The following GLRA2 variants were observed in gnomAD, a reference collection of about 807,000 sequenced individuals.
GLRA2 encodes the protein glycine receptor subunit alpha-2.
Under a neutral mutation model 31.6 loss-of-function variants are expected in GLRA2, and 11 were observed. The observed-to-expected ratio is 0.35, with a 90% CI of 0.22 to 0.58. GLRA2 has a LOEUF of 0.58. Among genes scored for constraint, GLRA2 ranks in the 20% least tolerant of loss-of-function variants. GLRA2 has a pLI of 0.84. For synonymous variants in GLRA2, 132 were observed against 134.0 expected (o/e 0.99, Z 0.10); for missense variants, 212 against 351.8 (o/e 0.60, Z 3.18).
chrX:14,730,201 C>T lies in GLRA2; in HGVS notation c.1081-6C>T, dbSNP rs745909115. 7 of 1,187,742 alleles carry T rather than the reference C, an allele frequency of 5.9e-6. No individual in the cohort carries two copies. Among genetic ancestry groups the T allele is most frequent in the East Asian group, 3.0e-5 (1 of 33,653 alleles). ...ATCTGTGCTTCCTCTGTCTTTATTC[C>T]GTCAGGAAGAAGACGTTACTCGTGA... On this transcript the variant is annotated splice_polypyrimidine_tract_variant and splice_region_variant and intron_variant, in intron 8 of 8. Transcript: ENST00000218075.
chrX:14,551,340 C>T (rs1294465102), intron 2 of GLRA2, among the ~76,000 whole-genome samples: 3 of 112,080 alleles, frequency 2.7e-5, no homozygotes, highest in Non-Finnish European at 3.8e-5. Context: ...TTTAACTTTA[C>T]ATCCTCAGAT....
At chrX:14,624,760 T>C (rs7877081) in intron 7 of GLRA2, among the ~76,000 whole-genome samples, 3,160 of 111,665 alleles carry the variant, frequency 0.028, 72 homozygotes, top group African/African-American at 0.078. Flanking sequence ...TGAGGAGTGC[T>C]TACTTCCAAC....
chrX:14,691,832 T>A lies in GLRA2; in HGVS notation c.1080+973T>A, dbSNP rs2239432. 4.5e-5 allele frequency among the ~76,000 whole-genome samples: 5 copies of A among 112,180 alleles called. No individual in the cohort carries two copies. In the East Asian group the frequency reaches 1.4e-3, roughly 31 times the overall value. ...AAGAATGTTACCTCCTGTAACAATA[T>A]TGCTTGAGAACTAAAGTTAACATTT... On this transcript the variant is annotated intron_variant, in intron 8 of 8. Transcript: ENST00000218075.
chrX:14,557,102 CTTTTTTTTTTTTTTT>C (rs58282642), intron 2 of GLRA2, among the ~76,000 whole-genome samples: 11 of 46,339 alleles, frequency 2.4e-4, no homozygotes, highest in African/African-American at 4.8e-4. Context: ...TAAAGTATTT[CTTTTTTTTTTTTTTT>C]TTTTTTTTTT....
chrX:14,597,534 C>T (rs2090219727), intron 4 of GLRA2, among the ~76,000 whole-genome samples: 2 of 111,046 alleles, frequency 1.8e-5, no homozygotes, highest in African/African-American at 3.3e-5. Context: ...GTCTATCACC[C>T]AGGTTTCTGG....
the GLRA2 span, among the ~76,000 whole-genome samples, chrX:14,477,277 GTTTA>G: frequency 9.0e-6 from 1 of 111,672 alleles, no homozygotes; most frequent in Admixed American, 9.5e-5. Flanking sequence ...AAAGAAAAAA[GTTTA>G]TTTAACCTTT....
the GLRA2 span, among the ~76,000 whole-genome samples, chrX:14,489,296 C>T: frequency 9.0e-6 from 1 of 110,939 alleles, no homozygotes; most frequent in Non-Finnish European, 1.9e-5. Context: ...ATAAAGGGGT[C>T]CTCAAACTCA....
chrX:14,697,961 C>T (rs1247983490), intron 8 of GLRA2, among the ~76,000 whole-genome samples: 1 of 111,249 alleles, frequency 9.0e-6, no homozygotes, highest in Non-Finnish European at 1.9e-5. Flanking sequence ...TCTGTCAGTG[C>T]CACTTGCCAC....
intron 2 of GLRA2, among the ~76,000 whole-genome samples, chrX:14,562,832 G>A (rs1398529002): frequency 9.0e-6 from 1 of 111,309 alleles, no homozygotes; most frequent in Non-Finnish European, 1.9e-5. Flanking sequence ...TCCAAATATG[G>A]TTACATTTTG....
intron 2 of GLRA2, among the ~76,000 whole-genome samples, chrX:14,539,686 A>G (rs1054890568): frequency 2.7e-5 from 3 of 111,885 alleles, no homozygotes; most frequent in Non-Finnish European, 5.7e-5. Context: ...GTGGCTCTGT[A>G]TACTCATCCA....
At chrX:14,472,943 A>G in the GLRA2 span, among the ~76,000 whole-genome samples, 1 of 111,431 alleles carries the variant, frequency 9.0e-6, no homozygotes. Context: ...GCTGAAGTGA[A>G]GTGAACTGGG....
Position 14,728,380 on chromosome X carries a change from G to A in GLRA2, c.1081-1827G>A, listed in dbSNP as rs570759778. Among the ~76,000 whole-genome samples the A allele has an allele frequency of 4.9e-4, 55 of 111,238 alleles. 1 individual carries two copies. The South Asian group carries it at 0.02, about 41-fold the overall frequency. ...TTCACCCCAGCCTGGGCAACAGAGT[G>A]AGACTGTCTCAAAAAATAATAATAA... On this transcript the variant is annotated intron_variant, in intron 8 of 8. Transcript: ENST00000218075.
At chrX:14,591,353 T>C (rs2090143658) in intron 4 of GLRA2, among the ~76,000 whole-genome samples, 1 of 111,406 alleles carries the variant, frequency 9.0e-6, no homozygotes, top group South Asian at 3.8e-4. Context: ...ACCTCAAAAG[T>C]ACGGAAGCCG....
chrX:14,691,182 G>T (rs1261688988), intron 8 of GLRA2, among the ~76,000 whole-genome samples: 1 of 111,078 alleles, frequency 9.0e-6, no homozygotes, highest in African/African-American at 3.3e-5. Context: ...AAGTAACTGG[G>T]CTCCCTGTAT....
At chrX:14,689,098 G>C (rs1294212187) in intron 7 of GLRA2, among the ~76,000 whole-genome samples, 1 of 111,942 alleles carries the variant, frequency 8.9e-6, no homozygotes, top group Non-Finnish European at 1.9e-5. Flanking sequence ...ACAGATAGTA[G>C]CAGAGCAGCA....
intron 7 of GLRA2, among the ~76,000 whole-genome samples, chrX:14,627,943 T>C (rs189906439): frequency 9.1e-6 from 1 of 109,533 alleles, no homozygotes; most frequent in African/African-American, 3.3e-5. Flanking sequence ...TGGGACTCTG[T>C]AGAAAGTATG....
At chrX:14,637,201 G>A (rs1320939818) in intron 7 of GLRA2, among the ~76,000 whole-genome samples, 1 of 112,077 alleles carries the variant, frequency 8.9e-6, no homozygotes, top group Non-Finnish European at 1.9e-5. Context: ...GTCAGGGAAG[G>A]GACTCTGATT....
At chrX:14,637,851 A>G (rs1351753734) in intron 7 of GLRA2, among the ~76,000 whole-genome samples, 1 of 112,034 alleles carries the variant, frequency 8.9e-6, no homozygotes. Flanking sequence ...ACATAAATAA[A>G]TGTCCATTTT....
chrX:14,573,263 G>A lies in GLRA2; in HGVS notation c.203-1070G>A, dbSNP rs780732124. ...TTTCTAGAACCCCACACGGACTTCT[G>A]AAGAGGTTTAAAAATGCAGTGTTTA... On this transcript the variant is annotated intron_variant, in intron 2 of 8. Transcript: ENST00000218075. Among the ~76,000 whole-genome samples, 175 of 111,695 alleles carry A rather than the reference G, an allele frequency of 1.6e-3. 1 individual carries two copies. Among genetic ancestry groups the A allele is most frequent in the Non-Finnish European group, 2.8e-3 (149 of 53,134 alleles).
Sources: allele counts gnomAD v4.1 joint callset (sites outside exome capture counted in the v4.1 genomes callset), GRCh38; gene constraint gnomAD v4.1.1; transcripts MANE v1.5; gene names NCBI Gene and HGNC (gene_info 2026-07-23, HGNC 2026-07-21).